Variants in ZCCHC7 observed in about 807,000 individuals in gnomAD.
ZCCHC7 encodes zinc finger CCHC domain-containing protein 7.
A neutral mutation model predicts 52.0 loss-of-function variants in ZCCHC7; 35 were observed. The observed-to-expected ratio is 0.67, with a 90% confidence interval of 0.51 to 0.89. ZCCHC7 has a LOEUF of 0.89. Ranked by LOEUF, ZCCHC7 falls within the 40% of genes least tolerant of loss-of-function variation. ZCCHC7 has a pLI of 0.00. For synonymous variants in ZCCHC7, 217 were observed against 221.5 expected (o/e 0.98, Z 0.18); for missense variants, 574 against 649.1 (o/e 0.88, Z 1.26).
At position 37,208,085 on chromosome 9, in the gene ZCCHC7, G is replaced by A. The variant is rs866082668; in HGVS notation, c.610+81143G>A. ...GTTTCTCCAGTGTATTTTTTGTTAC[G>A]GCTTCTGCTTTTGTTTGTTTGTTTT... On this transcript the variant is annotated intron_variant, in intron 2 of 8. Coordinates refer to ENST00000336755, the MANE Select transcript of ZCCHC7 (RefSeq NM_032226.3). Among the ~76,000 whole-genome samples, 16 of 151,878 alleles carry A rather than the reference G, an allele frequency of 1.1e-4. 1 individual carries two copies. Among genetic ancestry groups the A allele is most frequent in the Admixed American group, 2.0e-4 (3 of 15,246 alleles).
chr9:37,126,158 C>T (rs1842528669), intron 1 of ZCCHC7, among the ~76,000 whole-genome samples, 154 bp from the exon 2 acceptor site: 1 of 152,106 alleles, frequency 6.6e-6, no homozygotes, highest in African/African-American at 2.4e-5. Context: ...CCTAACAGGA[C>T]TTAGAAATCC....
chr9:37,300,223 AT>A (rs1208861714), intron 2 of ZCCHC7, among the ~76,000 whole-genome samples: 45 of 152,118 alleles, frequency 3.0e-4, no homozygotes, highest in Non-Finnish European at 1.5e-5. Flanking sequence ...AACAGTTGCC[AT>A]TTTGCATTTC....
intron 6 of ZCCHC7, among the ~76,000 whole-genome samples, chr9:37,347,727 C>T (rs1588704694): frequency 6.6e-6 from 1 of 152,152 alleles, no homozygotes; most frequent in Non-Finnish European, 1.5e-5. Context: ...CCTTTGTATG[C>T]ATTACTTTAC....
chr9:37,302,964 A>G (rs1829104449), intron 3 of ZCCHC7, among the ~76,000 whole-genome samples: 1 of 152,240 alleles, frequency 6.6e-6, no homozygotes. Flanking sequence ...GTCTTTTATT[A>G]TCATCCAGTC....
chr9:37,253,152 T>C (rs1294203102), intron 2 of ZCCHC7, among the ~76,000 whole-genome samples: 1 of 152,108 alleles, frequency 6.6e-6, no homozygotes, highest in African/African-American at 2.4e-5. Context: ...GAAAACTGTT[T>C]TTTGGAAAAT....
chr9:37,338,314 A>G (rs1048670509), intron 6 of ZCCHC7, among the ~76,000 whole-genome samples: 9 of 152,200 alleles, frequency 5.9e-5, no homozygotes, highest in African/African-American at 1.9e-4. Context: ...TTGTGAATAT[A>G]TAACCCTTTC....
At chr9:37,130,130 T>G (rs1005099152) in intron 2 of ZCCHC7, among the ~76,000 whole-genome samples, 4 of 151,304 alleles carry the variant, frequency 2.6e-5, no homozygotes, top group African/African-American at 9.7e-5. Context: ...TCCCAGCTAC[T>G]TGGGAGGCTA....
intron 2 of ZCCHC7, among the ~76,000 whole-genome samples, chr9:37,248,594 C>G (rs1008968653): frequency 6.6e-6 from 1 of 152,108 alleles, no homozygotes; most frequent in African/African-American, 2.4e-5. Flanking sequence ...AAAGAATGTT[C>G]AGTGAAAGGC....
intron 2 of ZCCHC7, among the ~76,000 whole-genome samples, chr9:37,164,244 C>T (rs946364933): frequency 6.6e-6 from 1 of 152,028 alleles, no homozygotes; most frequent in Non-Finnish European, 1.5e-5. Context: ...GAGTTCGAGA[C>T]CAGCCTGGCC....
At chr9:37,290,732 A>G (rs1828495664) in intron 2 of ZCCHC7, among the ~76,000 whole-genome samples, 1 of 152,174 alleles carries the variant, frequency 6.6e-6, no homozygotes, top group African/African-American at 2.4e-5. Flanking sequence ...GAAGAGTTTT[A>G]CTTTTCTTCA....
At chr9:37,340,479 CTT>C (rs1318680747) in intron 6 of ZCCHC7, among the ~76,000 whole-genome samples, 1 of 151,544 alleles carries the variant, frequency 6.6e-6, no homozygotes, top group Non-Finnish European at 1.5e-5. Flanking sequence ...GGGTCAAAGT[CTT>C]TAGATGAAAT....
chr9:37,343,794 AC>A (rs1316511581), intron 6 of ZCCHC7, among the ~76,000 whole-genome samples: 1 of 151,960 alleles, frequency 6.6e-6, no homozygotes, highest in South Asian at 2.1e-4. Context: ...GGGTCAGCAA[AC>A]TTTTTCTATA....
At chr9:37,161,891 T>G (rs184599288) in intron 2 of ZCCHC7, among the ~76,000 whole-genome samples, 2 of 152,278 alleles carry the variant, frequency 1.3e-5, no homozygotes, top group African/African-American at 4.8e-5. Flanking sequence ...ATTAAATCCA[T>G]GACAGGAGGT....
chr9:37,126,900 A>C lies in ZCCHC7; in HGVS notation c.568A>C (p.Ile190Leu). ...GCEVDDKDDD[I>L]LLNLVGCENS... ...TGAAGTAGATGATAAAGATGATGAT[A>C]TCCTTCTCAACCTTGTGGGATGTGA... is the stretch of plus-strand genomic sequence containing the variant. The change falls in exon 2 of 9, where the codon ATC (isoleucine) becomes CTC (leucine). Residue 190 changes from isoleucine to leucine, a missense_variant. Physicochemically the swap from Ile to Leu is conservative, Grantham distance 5. Coordinates refer to ENST00000336755, the MANE Select transcript of ZCCHC7 (RefSeq NM_032226.3). 1 of 1,614,052 alleles carries C rather than the reference A, an allele frequency of 6.2e-7. No individual in the cohort carries two copies.
chr9:37,273,245 T>TG (rs1415448769), intron 2 of ZCCHC7, among the ~76,000 whole-genome samples: 1 of 152,198 alleles, frequency 6.6e-6, no homozygotes, highest in Admixed American at 6.5e-5. Context: ...GGCTCACACC[T>TG]GTAATCCCAG....
intron 2 of ZCCHC7, among the ~76,000 whole-genome samples, chr9:37,220,447 C>A (rs963662405): frequency 2.6e-5 from 4 of 152,096 alleles, no homozygotes; most frequent in African/African-American, 9.7e-5. Context: ...GAGGCTGAGG[C>A]AGGAGAATAA....
intron 2 of ZCCHC7, among the ~76,000 whole-genome samples, chr9:37,166,841 G>A (rs977502005): frequency 2.0e-5 from 3 of 152,100 alleles, no homozygotes; most frequent in African/African-American, 4.8e-5. Context: ...ATTTCTGTAC[G>A]TAATTTGGGA....
chr9:37,177,731 GTT>G (rs1390936549), intron 2 of ZCCHC7, among the ~76,000 whole-genome samples: 1 of 152,090 alleles, frequency 6.6e-6, no homozygotes, highest in Non-Finnish European at 1.5e-5. Context: ...TACCGCTGTG[GTT>G]TTCTTTTCCC....
At chr9:37,289,334 A>C (rs1450646901) in intron 2 of ZCCHC7, among the ~76,000 whole-genome samples, 3 of 151,990 alleles carry the variant, frequency 2.0e-5, no homozygotes, top group Non-Finnish European at 4.4e-5. Context: ...TATTTTTAGT[A>C]GAGACAGTGT....
Sources: allele counts gnomAD v4.1 joint callset (sites outside exome capture counted in the v4.1 genomes callset), GRCh38; gene constraint gnomAD v4.1.1; transcripts MANE v1.5; gene names NCBI Gene and HGNC (gene_info 2026-07-23, HGNC 2026-07-21).